Variants in RELCH observed in about 807,000 individuals in gnomAD.
The protein encoded by RELCH is RAB11 binding and LisH domain, coiled-coil and HEAT repeat containing, also known as RAB11-binding protein RELCH.
A neutral mutation model predicts 150.3 loss-of-function variants in RELCH; 41 were observed. The ratio of observed to expected loss-of-function variants is 0.27; its 90% CI spans 0.21 to 0.35. RELCH has a LOEUF of 0.35. Ranked by LOEUF, RELCH falls within the 10% of genes least tolerant of loss-of-function variation. The probability of loss-of-function intolerance (pLI) is 1.00; values close to 1 mark genes in which losing one functional copy is unlikely to be tolerated. For missense variants in RELCH, 1,092 were observed against 1,467.8 expected, an observed-to-expected ratio of 0.74 and a Z score of 4.18; for synonymous variants, 478 against 531.8, an observed-to-expected ratio of 0.90 and a Z score of 1.39.
At chr18:62,287,230 G>A in intron 25 of RELCH, 121 bp from the exon 26 acceptor site, 2 of 635,864 alleles carry the variant, frequency 3.1e-6, no homozygotes, top group Non-Finnish European at 5.6e-6. Context: ...GTAATCTTTT[G>A]AAGTCATTCA....
intron 5 of RELCH, among the ~76,000 whole-genome samples, chr18:62,224,106 T>C (rs565369640): frequency 1.3e-5 from 2 of 152,220 alleles, no homozygotes; most frequent in Admixed American, 6.5e-5. Context: ...CTCCTAACGC[T>C]ATCCCTCCCC....
chr18:62,206,360 G>T (rs1389701021), intron 1 of RELCH, among the ~76,000 whole-genome samples: 1 of 152,216 alleles, frequency 6.6e-6, no homozygotes, highest in African/African-American at 2.4e-5. Flanking sequence ...TAAGAAGAAT[G>T]ATATATGTAG....
chr18:62,209,075 A>C (rs2039996105), intron 1 of RELCH, among the ~76,000 whole-genome samples: 2 of 152,198 alleles, frequency 1.3e-5, no homozygotes, highest in Non-Finnish European at 2.9e-5. Context: ...TCAGCTGATA[A>C]GCAATCTTAA....
chr18:62,250,282 G>A (rs187323681), intron 11 of RELCH, among the ~76,000 whole-genome samples: 16 of 152,284 alleles, frequency 1.1e-4, no homozygotes, highest in Admixed American at 9.8e-4. Flanking sequence ...CTTTAGTATA[G>A]TGATGGTGAC....
At chr18:62,265,379 A>G (rs988501624) in intron 18 of RELCH, among the ~76,000 whole-genome samples, 1 of 152,042 alleles carries the variant, frequency 6.6e-6, no homozygotes, top group Non-Finnish European at 1.5e-5. Context: ...TTGCCTATCC[A>G]GGTTATTTTG....
intron 1 of RELCH, among the ~76,000 whole-genome samples, chr18:62,192,187 T>C (rs1481572945): frequency 6.6e-6 from 1 of 152,224 alleles, no homozygotes; most frequent in Admixed American, 6.5e-5. Flanking sequence ...GCCGCATGAA[T>C]GTCTTCTTTT....
intron 27 of RELCH, among the ~76,000 whole-genome samples, chr18:62,294,876 C>G (rs2045328280): frequency 6.6e-6 from 1 of 152,146 alleles, no homozygotes; most frequent in Admixed American, 6.5e-5. Flanking sequence ...AACCGTTCAT[C>G]CTTTTTGCAC....
chr18:62,297,275 AAGTT>A (rs2045456099), intron 27 of RELCH, among the ~76,000 whole-genome samples: 1 of 152,184 alleles, frequency 6.6e-6, no homozygotes, highest in Non-Finnish European at 1.5e-5. Flanking sequence ...GATCAACAGA[AAGTT>A]AGGTTTTTGC....
chr18:62,296,867 C>T (rs2045434705), intron 27 of RELCH, among the ~76,000 whole-genome samples: 1 of 152,220 alleles, frequency 6.6e-6, no homozygotes, highest in Admixed American at 6.5e-5. Flanking sequence ...GGGATAAATC[C>T]CACTTGGTTA....
intron 22 of RELCH, among the ~76,000 whole-genome samples, chr18:62,278,262 TCTTA>T (rs1178587893): frequency 6.6e-6 from 1 of 152,186 alleles, no homozygotes; most frequent in Non-Finnish European, 1.5e-5. Flanking sequence ...ATCTAAGCAA[TCTTA>T]CTTATAAAAT....
In RELCH at chr18:62,228,598, G is replaced by T. The variant is rs1334027436; in HGVS notation, c.1448G>T (p.Arg483Met). Residue 483 changes from arginine (R) to methionine (M), a missense_variant and splice_region_variant, in exon 8 of 29, where the codon AGG becomes ATG. By Grantham distance (91) the Arg-to-Met change is moderately conservative (BLOSUM62 -1). Transcript: ENST00000644646. ...KKTVHFDKPN[R>M]KLSPAFHQAL... ...ACAGTTCATTTTGATAAACCTAATA[G>T]GTTAGTATGCATCCTATATTTTGAA... 1 of 1,598,934 alleles carries T rather than the reference G, an allele frequency of 6.3e-7. No homozygotes were observed. The highest frequency in any genetic ancestry group is 1.3e-5 in the African/African-American group (1 of 74,324).
At chr18:62,272,002 C>A (rs2043930184) in intron 20 of RELCH, among the ~76,000 whole-genome samples, 1 of 152,116 alleles carries the variant, frequency 6.6e-6, no homozygotes, top group African/African-American at 2.4e-5. Flanking sequence ...TTTGAATCAT[C>A]CTGTAGTATT....
rs116229584 is a variant in RELCH at position 62,275,544 on chromosome 18, T to A, written c.2967+71T>A. The A allele has an allele frequency of 1.9e-3, 1,720 of 928,880 alleles. 22 individuals are homozygous for A. In the African/African-American group the frequency reaches 0.025, roughly 14 times the overall value. 57.5% of individuals were successfully genotyped at this position (928,880 alleles called of 1,614,324 possible). A position where few individuals can be genotyped will look rare whatever the true frequency, so the allele number is the denominator to read the frequency against. On this transcript the variant is annotated intron_variant, in intron 22 of 28. Transcript: ENST00000644646. The stretch of plus-strand genomic sequence containing the variant: ...TTTTTTTTGCGAAGAAGAAGGGAAT[T>A]TTTTTTAATAAAAAGGCTTTGCATA...
chr18:62,221,158 A>T (rs763672865), intron 3 of RELCH, 50 bp downstream of exon 3: 1 of 1,593,426 alleles, frequency 6.3e-7, no homozygotes, highest in Non-Finnish European at 8.6e-7. Context: ...ACAATGTAGA[A>T]GTAGCTGAGA....
At chr18:62,214,641 G>A (rs1193903509) in intron 2 of RELCH, among the ~76,000 whole-genome samples, 1 of 152,088 alleles carries the variant, frequency 6.6e-6, no homozygotes, top group Non-Finnish European at 1.5e-5. Flanking sequence ...TGAAATCTAG[G>A]TGCAGGCTGC....
rs1388392073 is a variant in RELCH at position 62,221,472 on chromosome 18, C to A, written c.833C>A (p.Thr278Asn). 3.3e-6 allele frequency: 5 copies of A among 1,520,886 alleles called. No homozygotes were observed. Among genetic ancestry groups the A allele is most frequent in the Non-Finnish European group, 4.5e-6 (5 of 1,115,556 alleles). 94.2% of individuals were successfully genotyped at this position (1,520,886 alleles called of 1,614,324 possible). A position where few individuals can be genotyped will look rare whatever the true frequency, so the allele number is the denominator to read the frequency against. ...AATAACTATAAGCTTACATCAATAA[C>A]CTTTTCAGATGAAAACGATGATCAG... Reference protein sequence around the residue: ...LKNNYKLTSITFSDENDDQDF... With the variant: ...LKNNYKLTSINFSDENDDQDF... The change falls in exon 5 of 29, where the codon ACC (threonine) becomes AAC (asparagine). Residue 278 changes from threonine (T) to asparagine (N), a missense_variant. Around this residue, in one of 4 missense-constraint regions of RELCH, gnomAD observed 190 missense variants for 276.2 expected, o/e 0.69. Coordinates refer to ENST00000644646, the MANE Select transcript of RELCH (RefSeq NM_001346231.2).
At chr18:62,260,689 T>C (rs771383573) in intron 15 of RELCH, among the ~76,000 whole-genome samples, 3 of 151,926 alleles carry the variant, frequency 2.0e-5, no homozygotes, top group Non-Finnish European at 2.9e-5. Flanking sequence ...AGTAGATGAA[T>C]AGATAAAGAA....
Position 62,227,440 on chromosome 18 carries a change from C to T in RELCH, c.1010C>T (p.Thr337Ile). Reference protein sequence around the residue: ...GVEEDELEALTPIISNLPPTL... With the variant: ...GVEEDELEALIPIISNLPPTL... ...GAAGAAGATGAATTAGAGGCCCTTA[C>T]ACCAATTATAAGCAACCTTCCTCCA... The change falls in exon 6 of 29, where the codon ACA becomes ATA. Residue 337 changes from threonine to isoleucine, a missense_variant. This residue lies in a region of RELCH where 57 missense variants were observed against 41.5 expected (regional missense o/e 1.37). Transcript: ENST00000644646. The T allele has an allele frequency of 3.1e-6, 5 of 1,613,292 alleles. No individual in the cohort carries two copies. Among genetic ancestry groups the T allele is most frequent in the Non-Finnish European group, 4.2e-6 (5 of 1,179,608 alleles).
intron 10 of RELCH, among the ~76,000 whole-genome samples, chr18:62,232,653 C>G (rs1014361619): frequency 6.6e-6 from 1 of 152,062 alleles, no homozygotes; most frequent in Non-Finnish European, 1.5e-5. Flanking sequence ...TTGCTTAAAG[C>G]ATTGTTAGCT....
Sources: gnomAD v4.1 joint callset for allele counts (sites outside exome capture counted in the v4.1 genomes callset) on GRCh38, gnomAD v4.1.1 for gene constraint, gnomAD v4.1.1 regional missense constraint, MANE v1.5 for transcripts, NCBI Gene and HGNC (gene_info 2026-07-23, HGNC 2026-07-21) for gene names.